Variants in SMG5 observed in about 807,000 individuals in gnomAD.
SMG5 encodes SMG5 nonsense mediated mRNA decay factor, also known as nonsense-mediated mRNA decay factor SMG5.
Under a neutral mutation model 122.9 loss-of-function variants are expected in SMG5, and 53 were observed. That is an observed-to-expected ratio of 0.43 (90% CI 0.35 to 0.54). The LOEUF (loss-of-function observed/expected upper bound fraction) is 0.54. Ranked by LOEUF, SMG5 falls within the 20% of genes least tolerant of loss-of-function variation. The pLI, the probability that SMG5 is intolerant of heterozygous loss-of-function variation, is 0.01. For synonymous variants in SMG5, 477 were observed against 490.2 expected (o/e 0.97, Z 0.35); for missense variants, 1,153 against 1,285.6 (o/e 0.90, Z 1.58).
Position 156,263,530 on chromosome 1 carries a change from A to G in SMG5, c.1896T>C (p.Ser632=). The G allele has an allele frequency of 6.2e-7, 1 of 1,614,212 alleles. No individual in the cohort carries two copies. Among genetic ancestry groups the G allele is most frequent in the Non-Finnish European group, 8.5e-7 (1 of 1,180,014 alleles). The change falls in exon 13 of 22, where the codon AGT becomes AGC. Residue 632 remains serine (S), a synonymous_variant. Transcript: ENST00000361813. ...EGSESEGSES[S]GRSCRNERSI... ...TGCGCTCATTCCGACAGGAGCGTCC[A>G]CTGGACTCACTCCCCTCCGACTCAG... is the stretch of plus-strand genomic sequence containing the variant.
intron 7 of SMG5, among the ~76,000 whole-genome samples, chr1:156,271,389 C>CAAAGTTG (rs1662413505): frequency 1.3e-5 from 2 of 152,154 alleles, no homozygotes; most frequent in Non-Finnish European, 2.9e-5. Flanking sequence ...TCAACTTTAG[C>CAAAGTTG]ACTGATTAGG....
intron 20 of SMG5, 57 bp from the exon 21 acceptor site, chr1:156,251,053 A>C (rs1661325314): frequency 1.3e-6 from 2 of 1,590,404 alleles, no homozygotes; most frequent in African/African-American, 1.3e-5. Flanking sequence ...GCACAGCCCA[A>C]ACACCAGGAT....
intron 7 of SMG5, among the ~76,000 whole-genome samples, chr1:156,269,823 T>C (rs1366582379): frequency 4.0e-5 from 6 of 151,862 alleles, no homozygotes. Flanking sequence ...TGCAGCGAGC[T>C]GAGATCGCGC....
upstream of SMG5, chr1:156,285,494 G>C (rs754783343): frequency 1.6e-5 from 26 of 1,614,036 alleles, no homozygotes; most frequent in Non-Finnish European, 1.9e-5. Context: ...TCCGTTCCCG[G>C]ATCCCCCTGG....
intron 7 of SMG5, among the ~76,000 whole-genome samples, chr1:156,269,710 C>A (rs1320036953): frequency 6.6e-6 from 1 of 152,098 alleles, no homozygotes; most frequent in East Asian, 1.9e-4. Context: ...CCCGTCTCTA[C>A]TAAAAATACA....
At chr1:156,289,680 C>T in the SMG5 span, among the ~76,000 whole-genome samples, 2 of 152,186 alleles carry the variant, frequency 1.3e-5, no homozygotes, top group East Asian at 3.8e-4. Context: ...CTTCCTAGTG[C>T]AGAAGAGAAG....
Position 156,268,414 on chromosome 1 carries a change from T to C in SMG5, c.715A>G (p.Ile239Val), listed in dbSNP as rs1187842836. ...VEAMYCYLRC[I>V]QSEVSFEGAY... is the part of the protein sequence containing the mutation. ...CCCTCAAAGGACACTTCTGACTGGATGCTGTAAGAGATAGAGGTGAGCTAC... is the reference window on the plus strand; with the variant it reads ...CCCTCAAAGGACACTTCTGACTGGACGCTGTAAGAGATAGAGGTGAGCTAC... The change falls in exon 8 of 22, where the codon ATC (isoleucine) becomes GTC (valine). Residue 239 changes from isoleucine to valine, a missense_variant and splice_region_variant. Coordinates refer to ENST00000361813, the MANE Select transcript of SMG5 (RefSeq NM_015327.3). The C allele has an allele frequency of 1.2e-6, 2 of 1,613,832 alleles. No homozygotes were observed. Among genetic ancestry groups the C allele is most frequent in the Non-Finnish European group, 1.7e-6 (2 of 1,180,024 alleles).
chr1:156,288,872 G>C, the SMG5 span, among the ~76,000 whole-genome samples: 1 of 152,154 alleles, frequency 6.6e-6, no homozygotes, highest in Non-Finnish European at 1.5e-5. Context: ...GGGAATACTG[G>C]TTTCAGATAG....
chr1:156,260,691 C>T (rs1407371563), intron 14 of SMG5, 65 bp from the exon 15 acceptor site: 49 of 1,389,910 alleles, frequency 3.5e-5, no homozygotes, highest in Non-Finnish European at 2.0e-5. Context: ...AGAGACATAA[C>T]CCTTCCCTTT....
At chr1:156,277,343 A>C in intron 3 of SMG5, 102 bp from the exon 4 acceptor site, 2 of 1,280,512 alleles carry the variant, frequency 1.6e-6, no homozygotes, top group South Asian at 3.0e-5. Flanking sequence ...AACTTCATCT[A>C]CATCTACTCT....
At chr1:156,279,072 T>C (rs1353652467) in intron 1 of SMG5, 38 bp from the exon 2 acceptor site, 20 of 1,543,002 alleles carry the variant, frequency 1.3e-5, no homozygotes, top group East Asian at 4.5e-5. Flanking sequence ...CTCAGCCATA[T>C]GCATGGTCCA....
rs1661206437 is a variant in SMG5, at chr1:156,249,493, T to TC, written c.*1093dup. On this transcript the variant is annotated 3_prime_UTR_variant, in exon 22 of 22. Transcript: ENST00000361813. ...AGCTGAGGCAATCCTGGCTGCAGCC[T>TC]CCCACACACAGCCCTGCTCTTGGTG... 2.9e-6 allele frequency: 1 copy of TC among 348,898 alleles called. No individual in the cohort carries two copies. Among genetic ancestry groups the TC allele is most frequent in the African/African-American group, 2.1e-5 (1 of 46,540 alleles). 21.6% of individuals were successfully genotyped at this position (348,898 alleles called of 1,614,324 possible). A position where few individuals can be genotyped will look rare whatever the true frequency, so the allele number is the denominator to read the frequency against.
chr1:156,266,981 G>A lies in SMG5; in HGVS notation c.1118-303C>T, dbSNP rs372497510. ...AATCTAGAATTTACCATCTCACCTT[G>A]TACTCCTTCAGATAAGCATATCCTT... On this transcript the variant is annotated intron_variant, in intron 10 of 21. Transcript: ENST00000361813. Among the ~76,000 whole-genome samples, 3 of 151,952 alleles carry A rather than the reference G, an allele frequency of 2.0e-5. No individual in the cohort carries two copies. The East Asian group carries it at 5.8e-4, about 30-fold the overall frequency.
At chr1:156,251,858 C>G (rs1182519604) in intron 19 of SMG5, among the ~76,000 whole-genome samples, 1 of 152,176 alleles carries the variant, frequency 6.6e-6, no homozygotes. Flanking sequence ...CTCCTTATTC[C>G]CTACACCCTC....
chr1:156,264,624 A>G (rs530011325), intron 12 of SMG5, among the ~76,000 whole-genome samples: 2 of 152,326 alleles, frequency 1.3e-5, no homozygotes, highest in South Asian at 4.1e-4. Flanking sequence ...TCCCAGACCA[A>G]GTGACTTTTA....
At chr1:156,262,000 T>C (rs1173650845) in intron 13 of SMG5, among the ~76,000 whole-genome samples, 1 of 151,920 alleles carries the variant, frequency 6.6e-6, no homozygotes, top group Non-Finnish European at 1.5e-5. Flanking sequence ...AGGTCGAGGC[T>C]GCAGTGGAGC....
At chr1:156,255,408 G>A (rs1661536810) in intron 16 of SMG5, among the ~76,000 whole-genome samples, 2 of 151,850 alleles carry the variant, frequency 1.3e-5, no homozygotes, top group African/African-American at 2.4e-5. Context: ...TCGTGGTGGC[G>A]AGCACCTGTA....
intron 3 of SMG5, among the ~76,000 whole-genome samples, chr1:156,277,687 T>C (rs887679925): frequency 6.6e-6 from 1 of 151,896 alleles, no homozygotes; most frequent in Non-Finnish European, 1.5e-5. Context: ...TAATTTTGTA[T>C]TTCTAGTAGA....
At chr1:156,277,662 A>C (rs1324350069) in intron 3 of SMG5, among the ~76,000 whole-genome samples, 1 of 151,522 alleles carries the variant, frequency 6.6e-6, no homozygotes, top group Non-Finnish European at 1.5e-5. Context: ...ACAGGCATGC[A>C]CCACCACGTC....
Sources: allele counts gnomAD v4.1 joint callset (sites outside exome capture counted in the v4.1 genomes callset), GRCh38; gene constraint gnomAD v4.1.1; transcripts MANE v1.5; gene names NCBI Gene and HGNC (gene_info 2026-07-23, HGNC 2026-07-21).